Variants in DDX17 observed in about 807,000 individuals in gnomAD.
The protein encoded by DDX17 is probable ATP-dependent RNA helicase DDX17.
Under a neutral mutation model 80.8 loss-of-function variants are expected in DDX17, and 10 were observed. The observed-to-expected ratio is 0.12, with a 90% confidence interval of 0.08 to 0.21. DDX17 has a LOEUF of 0.21. Among genes scored for constraint, DDX17 ranks in the 10% least tolerant of loss-of-function variants. The probability of loss-of-function intolerance (pLI) is 1.00; values close to 1 mark genes in which losing one functional copy is unlikely to be tolerated. For synonymous variants in DDX17, 339 were observed against 336.2 expected (o/e 1.01, Z -0.09); for missense variants, 586 against 957.4 (o/e 0.61, Z 5.12).
chr22:38,486,453 T>TA lies in DDX17; in HGVS notation c.1685-14dup, dbSNP rs773189763. The TA allele has an allele frequency of 1.3e-6, 2 of 1,578,810 alleles. No individual in the cohort carries two copies. The highest frequency in any genetic ancestry group is 1.7e-6 in the Non-Finnish European group (2 of 1,162,118). On this transcript the variant is annotated splice_polypyrimidine_tract_variant and intron_variant, in intron 12 of 12. Coordinates refer to ENST00000403230, the MANE Select transcript of DDX17 (RefSeq NM_006386.5). ...CGAGAACGACCACCTAATGGGAAGATACAAGAAGATTTTTAATGGCAGATA... is the reference window on the plus strand; with the variant it reads ...CGAGAACGACCACCTAATGGGAAGATAACAAGAAGATTTTTAATGGCAGATA...
intron 1 of DDX17, chr22:38,505,259 A>G: frequency 6.6e-6 from 1 of 152,230 alleles, no homozygotes; most frequent in East Asian, 1.9e-4. Context: ...GCTGCAGTCC[A>G]ATTAGAGAAA....
intron 9 of DDX17, 81 bp from the exon 10 acceptor site, chr22:38,493,852 C>T (rs932554193): frequency 1.0e-5 from 15 of 1,441,324 alleles, no homozygotes; most frequent in Non-Finnish European, 1.5e-5. Flanking sequence ...TGCTATCATG[C>T]AATTTTTGTA....
At chr22:38,493,956 T>C (rs2089737075) in intron 9 of DDX17, 65 bp downstream of exon 9, 1 of 1,374,958 alleles carries the variant, frequency 7.3e-7, no homozygotes. Context: ...ACATTTGGAA[T>C]ACCAATTTAG....
intron 12 of DDX17, among the ~76,000 whole-genome samples, 161 bp downstream of exon 12, chr22:38,487,718 G>A (rs972268229): frequency 1.3e-5 from 2 of 152,038 alleles, no homozygotes; most frequent in Admixed American, 6.5e-5. Context: ...CAAACTTCAC[G>A]TTTTCTTAGT....
intron 5 of DDX17, among the ~76,000 whole-genome samples, chr22:38,496,894 G>A (rs1295645134): frequency 2.0e-5 from 3 of 152,126 alleles, no homozygotes; most frequent in South Asian, 4.1e-4. Context: ...TAATAATGCT[G>A]TCAGACATAT....
chr22:38,488,419 TACACC>T, intron 11 of DDX17: 1 of 1,247,316 alleles, frequency 8.0e-7, no homozygotes, highest in Non-Finnish European at 1.0e-6. Flanking sequence ...TGACAGGAGT[TACACC>T]AATATTGGTC....
At chr22:38,495,246 A>ATTT (rs138442) in intron 6 of DDX17, among the ~76,000 whole-genome samples, 200 bp from the exon 7 acceptor site, 35,069 of 130,558 alleles carry the variant, frequency 0.27, 5,556 homozygotes, top group East Asian at 0.34. Context: ...CAGAGAAGCT[A>ATTT]TTTTTTTTTT....
chr22:38,489,805 A>G lies in DDX17; in HGVS notation c.1448-1690T>C. ...CTCCGGCTAGGGTCGTTGACGCAAC[A>G]AAGGAAAAAAGAATTTACAGGGCCA... On this transcript the variant is annotated intron_variant, in intron 11 of 12. Transcript: ENST00000403230. This position sits in a 1 kb window ranked among gnomAD's most constrained non-coding sequence, Gnocchi z 4.6. The G allele has an allele frequency of 2.0e-6, 2 of 985,648 alleles. No homozygotes were observed. The highest frequency in any genetic ancestry group is 1.2e-6 in the Non-Finnish European group (1 of 830,130). The allele number at this position is 985,648 out of a possible 1,614,324, so 61.1% of individuals were successfully genotyped here.
rs1458618632 is a variant in DDX17 at position 38,494,173 on chromosome 22, A to G, written c.1215-42T>C. ...CAATGCAGTCATCACACAGAAAGTTATTATGTGGACGATTATGTCTGCAAT... is the reference window on the plus strand; with the variant it reads ...CAATGCAGTCATCACACAGAAAGTTGTTATGTGGACGATTATGTCTGCAAT... On this transcript the variant is annotated intron_variant, in intron 8 of 12. Coordinates refer to ENST00000403230, the MANE Select transcript of DDX17 (RefSeq NM_006386.5). 8.2e-6 allele frequency: 11 copies of G among 1,334,566 alleles called. No individual in the cohort carries two copies. In the East Asian group the frequency reaches 9.2e-5, roughly 11 times the overall value. 82.7% of individuals were successfully genotyped at this position (1,334,566 alleles called of 1,614,324 possible).
intron 6 of DDX17, 96 bp downstream of exon 6, chr22:38,495,700 G>GT (rs2089757045): frequency 9.7e-7 from 1 of 1,034,426 alleles, no homozygotes; most frequent in East Asian, 2.7e-5. Flanking sequence ...GAAATTCTGA[G>GT]TTTATCACAA....
rs151194659 is a variant in DDX17, at chr22:38,501,339, C to A, written c.288-59G>T. Reference sequence around the variant, plus strand: ...TTTTTAAAGCAACGTATCGTACATGCCATAAGAATATTCAAAAAGGATGGA... The same window carrying A: ...TTTTTAAAGCAACGTATCGTACATGACATAAGAATATTCAAAAAGGATGGA... On this transcript the variant is annotated intron_variant, in intron 1 of 12. Transcript: ENST00000403230. The A allele has an allele frequency of 7.8e-5, 120 of 1,533,824 alleles. No individual in the cohort carries two copies. In the East Asian group the frequency reaches 2.3e-3, roughly 29 times the overall value.
chr22:38,502,887 G>T (rs1396419607), intron 1 of DDX17, among the ~76,000 whole-genome samples: 2 of 152,078 alleles, frequency 1.3e-5, no homozygotes, highest in Non-Finnish European at 2.9e-5. Flanking sequence ...CTTTATCATT[G>T]ATAGGCAAGT....
chr22:38,492,038 A>C lies in DDX17; in HGVS notation c.1447+18T>G. The C allele has an allele frequency of 6.4e-7, 1 of 1,574,398 alleles. No individual in the cohort carries two copies. The highest frequency in any genetic ancestry group is 1.2e-5 in the South Asian group (1 of 86,132). On this transcript the variant is annotated intron_variant, in intron 11 of 12. Coordinates refer to ENST00000403230, the MANE Select transcript of DDX17 (RefSeq NM_006386.5). ...AAAGATACATATACCATTGACAGAGACACCTATCTATACAAACCTAGCCCA... is the reference window on the plus strand; with the variant it reads ...AAAGATACATATACCATTGACAGAGCCACCTATCTATACAAACCTAGCCCA...
rs937837627 is a variant in DDX17, at chr22:38,485,184, C to T, written c.*751G>A. 1.3e-5 allele frequency: 2 copies of T among 151,712 alleles called. No individual in the cohort carries two copies. Among genetic ancestry groups the T allele is most frequent in the African/African-American group, 2.4e-5 (1 of 41,230 alleles). 9.4% of individuals were successfully genotyped at this position (151,712 alleles called of 1,614,324 possible). ...CAGCTTCCACCCAGATGCTGAGATGCTACAGTTTAACCACTACAATAAACA... is the reference window on the plus strand; with the variant it reads ...CAGCTTCCACCCAGATGCTGAGATGTTACAGTTTAACCACTACAATAAACA... On this transcript the variant is annotated 3_prime_UTR_variant, in exon 13 of 13. Coordinates refer to ENST00000403230, the MANE Select transcript of DDX17 (RefSeq NM_006386.5).
At chr22:38,496,526 T>A (rs957575227) in intron 5 of DDX17, among the ~76,000 whole-genome samples, 3 of 152,208 alleles carry the variant, frequency 2.0e-5, no homozygotes, top group Admixed American at 6.5e-5. Flanking sequence ...ATTATTGTAT[T>A]TTTGTAGAGA....
chr22:38,493,406 T>C (rs980430289), intron 10 of DDX17: 2 of 266,390 alleles, frequency 7.5e-6, no homozygotes, highest in Non-Finnish European at 1.4e-5. Context: ...AGACCGGTCT[T>C]GAACTCCTGG....
rs2089760221 is a variant in DDX17, at chr22:38,495,943, A to C, written c.739-6T>G. On this transcript the variant is annotated splice_polypyrimidine_tract_variant and splice_region_variant and intron_variant, in intron 5 of 12. Transcript: ENST00000403230. The stretch of plus-strand genomic sequence containing the variant: ...GTAGGAGCCAGAACTAGACACTGAA[A>C]CCAACAAAAAGACACTTGAGACCTC... 1 of 1,549,136 alleles carries C rather than the reference A, an allele frequency of 6.5e-7. No individual in the cohort carries two copies. Among genetic ancestry groups the C allele is most frequent in the African/African-American group, 1.4e-5 (1 of 71,484 alleles).
At position 38,498,155 on chromosome 22, in the gene DDX17, G is replaced by C; in HGVS notation, c.673-5C>G. The C allele has an allele frequency of 1.2e-6, 2 of 1,613,880 alleles. No homozygotes were observed. The highest frequency in any genetic ancestry group is 2.2e-5 in the South Asian group (2 of 91,030). On this transcript the variant is annotated splice_region_variant and splice_polypyrimidine_tract_variant and intron_variant, in intron 4 of 12. Coordinates refer to ENST00000403230, the MANE Select transcript of DDX17 (RefSeq NM_006386.5). ...AACAATTGCAGGCAGGAGATACTGT[G>C]GAGGGGGGAAAGAATGACAACCTTA...
intron 5 of DDX17, 149 bp from the exon 6 acceptor site, chr22:38,496,086 GAAT>G (rs1569140338): frequency 1.5e-6 from 1 of 655,684 alleles, no homozygotes; most frequent in African/African-American, 1.9e-5. Context: ...CAGAAGTGGG[GAAT>G]ATTAGCACAA....
Sources: allele counts gnomAD v4.1 joint callset (sites outside exome capture counted in the v4.1 genomes callset), GRCh38; gene constraint gnomAD v4.1.1; non-coding constraint Gnocchi (gnomAD v3.1); transcripts MANE v1.5; gene names NCBI Gene and HGNC (gene_info 2026-07-23, HGNC 2026-07-21).